The following MTMR9 variants were observed in gnomAD, a reference collection of about 807,000 sequenced individuals.
MTMR9 encodes myotubularin related protein 9, also known as myotubularin-related protein 9.
Under a neutral mutation model 69.5 loss-of-function variants are expected in MTMR9, and 39 were observed. The observed-to-expected ratio is 0.56, with a 90% CI of 0.43 to 0.73. The LOEUF is 0.73. MTMR9 is among the 30% of genes least tolerant of loss of function. The pLI is 0.00. For missense variants in MTMR9, 900 were observed against 671.2 expected, an observed-to-expected ratio of 1.34 and a Z score of -3.77; for synonymous variants, 354 against 240.8, an observed-to-expected ratio of 1.47 and a Z score of -4.35.
intron 1 of MTMR9, among the ~76,000 whole-genome samples, chr8:11,286,097 C>T (rs1799145771): frequency 6.6e-6 from 1 of 151,552 alleles, no homozygotes; most frequent in Non-Finnish European, 1.5e-5. Flanking sequence ...GGATTACAGG[C>T]ACGCGCCACC....
At chr8:11,288,410 A>G (rs1292554222) in intron 1 of MTMR9, among the ~76,000 whole-genome samples, 1 of 149,488 alleles carries the variant, frequency 6.7e-6, no homozygotes, top group East Asian at 1.9e-4. Flanking sequence ...AAGTAACGGA[A>G]GATGAGAGGA....
intron 5 of MTMR9, among the ~76,000 whole-genome samples, chr8:11,307,422 T>A (rs1799981971): frequency 6.6e-6 from 1 of 152,202 alleles, no homozygotes. Flanking sequence ...TGTACCACAT[T>A]TTCTTAATCC....
At chr8:11,312,968 C>G (rs1304652652) in intron 6 of MTMR9, among the ~76,000 whole-genome samples, 3 of 152,248 alleles carry the variant, frequency 2.0e-5, no homozygotes, top group Non-Finnish European at 4.4e-5. Flanking sequence ...TAGGTCTCAA[C>G]AGTGGACTTA....
chr8:11,314,509 A>C (rs1800330967), intron 6 of MTMR9, among the ~76,000 whole-genome samples: 1 of 152,226 alleles, frequency 6.6e-6, no homozygotes, highest in African/African-American at 2.4e-5. Context: ...AGTCAGAAAA[A>C]TAATTTTAGT....
intron 1 of MTMR9, among the ~76,000 whole-genome samples, chr8:11,287,010 A>G (rs1420041747): frequency 6.6e-6 from 1 of 152,236 alleles, no homozygotes; most frequent in Admixed American, 6.5e-5. Flanking sequence ...ACACCAAGGT[A>G]AATAAAATAT....
At chr8:11,331,834 C>G (rs150038827), downstream of MTMR9, 22 of 1,611,894 alleles carry the variant, frequency 1.4e-5, no homozygotes, top group Middle Eastern at 2.3e-4. Flanking sequence ...GTGCTGCAGA[C>G]CCCCGTGTTG....
intron 1 of MTMR9, among the ~76,000 whole-genome samples, chr8:11,293,763 T>TAA (rs59697084): frequency 2.2e-4 from 32 of 143,820 alleles, no homozygotes; most frequent in African/African-American, 6.8e-4. Flanking sequence ...TCAAATTCTT[T>TAA]AAAAAAAAAA....
chr8:11,339,147 C>G, the MTMR9 span, among the ~76,000 whole-genome samples: 6 of 152,188 alleles, frequency 3.9e-5, no homozygotes, highest in East Asian at 1.2e-3. Context: ...ATTCATCAGT[C>G]TGACCCCTGC....
In MTMR9 at chr8:11,309,754, G is replaced by C. The variant is rs878900312; in HGVS notation, c.971+66G>C. 11 of 1,546,654 alleles carry C rather than the reference G, an allele frequency of 7.1e-6. No homozygotes were observed. In the South Asian group the frequency reaches 1.1e-4, roughly 15 times the overall value. The stretch of plus-strand genomic sequence containing the variant: ...GCTAACTAGACTTTGTGTTTATCCA[G>C]ACATATGTTTATAGATTATGTGAAA... On this transcript the variant is annotated intron_variant, in intron 6 of 9. Transcript: ENST00000221086.
In MTMR9 at chr8:11,294,558, G is replaced by C. The variant is rs78378139; in HGVS notation, c.183-636G>C. ...ACTCTGTCACCTAGGCTGGAGTGCAGTGGCTCAGACTCGGCTCACTGCAAC... is the reference window on the plus strand; with the variant it reads ...ACTCTGTCACCTAGGCTGGAGTGCACTGGCTCAGACTCGGCTCACTGCAAC... On this transcript the variant is annotated intron_variant, in intron 1 of 9. Coordinates refer to ENST00000221086, the MANE Select transcript of MTMR9 (RefSeq NM_015458.4). Among the ~76,000 whole-genome samples the C allele has an allele frequency of 0.015, 2,193 of 142,720 alleles. 82 individuals are homozygous for C. In the East Asian group the frequency reaches 0.15, roughly 10 times the overall value. The allele number at this position is 142,720 out of a possible 152,430, so 93.6% of individuals were successfully genotyped here. A position where few individuals can be genotyped will look rare whatever the true frequency, so the allele number is the denominator to read the frequency against.
In MTMR9 at chr8:11,307,983, C is replaced by T. The variant is rs776757618; in HGVS notation, c.810-1544C>T. Among the ~76,000 whole-genome samples the T allele has an allele frequency of 2.0e-5, 3 of 152,074 alleles. No individual in the cohort carries two copies. In the South Asian group the frequency reaches 6.2e-4, roughly 31 times the overall value. ...GTGTGGTGTTCACAAATGTTTTCTC[C>T]CATTCCATAGGTTGTCTCTTTACTC... On this transcript the variant is annotated intron_variant, in intron 5 of 9. Transcript: ENST00000221086.
downstream of MTMR9, chr8:11,331,015 C>T (rs1361208883): frequency 3.3e-6 from 5 of 1,502,470 alleles, no homozygotes; most frequent in Non-Finnish European, 4.4e-6. Context: ...CAGGGAAGAA[C>T]CCCACCCGCA....
At chr8:11,289,636 C>G (rs748664701) in intron 1 of MTMR9, among the ~76,000 whole-genome samples, 8 of 152,118 alleles carry the variant, frequency 5.3e-5, no homozygotes, top group Non-Finnish European at 7.3e-5. Flanking sequence ...ATCCACAATC[C>G]CTGTAGGCAA....
chr8:11,334,107 C>G, the MTMR9 span, among the ~76,000 whole-genome samples: 3 of 152,210 alleles, frequency 2.0e-5, no homozygotes, highest in Non-Finnish European at 2.9e-5. Context: ...CAGATGCTGG[C>G]ACCATGCTCT....
At chr8:11,329,028 A>G (rs1036301877), downstream of MTMR9, among the ~76,000 whole-genome samples, 51 of 152,222 alleles carry the variant, frequency 3.4e-4, no homozygotes, top group Non-Finnish European at 1.5e-5. Context: ...CACTTTGTTG[A>G]AGAGACTGTC....
chr8:11,304,145 T>C (rs375914488), intron 3 of MTMR9, among the ~76,000 whole-genome samples: 23 of 152,230 alleles, frequency 1.5e-4, no homozygotes, highest in African/African-American at 5.3e-4. Context: ...AGTTTTATAT[T>C]GTATACTTCT....
chr8:11,306,999 CTTATT>C (rs755164362), intron 5 of MTMR9, among the ~76,000 whole-genome samples: 10 of 152,212 alleles, frequency 6.6e-5, no homozygotes, highest in Non-Finnish European at 1.0e-4. Context: ...GGGTGCCTGA[CTTATT>C]TCATATAGCA....
chr8:11,332,195 AAT>A, downstream of MTMR9: 3 of 1,523,622 alleles, frequency 2.0e-6, no homozygotes, highest in South Asian at 2.6e-5. Context: ...ACAAAAAAAA[AAT>A]AAAAGAAAAA....
intron 1 of MTMR9, chr8:11,285,300 C>T (rs1244156142): frequency 4.5e-6 from 2 of 441,210 alleles, no homozygotes; most frequent in African/African-American, 2.0e-5. Context: ...CTGGTACCAT[C>T]CTGATGATCA....
Sources: allele counts gnomAD v4.1 joint callset (sites outside exome capture counted in the v4.1 genomes callset), GRCh38; gene constraint gnomAD v4.1.1; transcripts MANE v1.5; gene names NCBI Gene and HGNC (gene_info 2026-07-23, HGNC 2026-07-21).